Variants in SCAPER observed in about 807,000 individuals in gnomAD.
SCAPER encodes S-phase cyclin A associated protein in the ER, also known as S phase cyclin A-associated protein in the endoplasmic reticulum.
A neutral mutation model predicts 182.2 loss-of-function variants in SCAPER; 98 were observed. The observed-to-expected ratio is 0.54, with a 90% CI of 0.46 to 0.64. SCAPER has a LOEUF of 0.64. Among genes scored for constraint, SCAPER ranks in the 30% least tolerant of loss-of-function variants. The pLI is 0.00. For missense variants in SCAPER, 1,432 were observed against 1,690.0 expected, an observed-to-expected ratio of 0.85 and a Z score of 2.68; for synonymous variants, 605 against 564.6, an observed-to-expected ratio of 1.07 and a Z score of -1.01.
chr15:76,656,827 T>C (rs2055678621), intron 21 of SCAPER, among the ~76,000 whole-genome samples: 1 of 152,004 alleles, frequency 6.6e-6, no homozygotes, highest in African/African-American at 2.4e-5. Context: ...AAAGCAGAAA[T>C]CAAGAAATTA....
chr15:76,433,255 C>T (rs896948590), intron 26 of SCAPER, among the ~76,000 whole-genome samples: 14 of 152,132 alleles, frequency 9.2e-5, no homozygotes, highest in African/African-American at 3.4e-4. Flanking sequence ...CACCTGTAAT[C>T]CCAGCACTTT....
In SCAPER at chr15:76,354,127, G is replaced by GACTGC; in HGVS notation, c.3864_3868dup (p.Ser1290CysfsTer26). The GACTGC allele has an allele frequency of 6.2e-7, 1 of 1,604,442 alleles. No homozygotes were observed. The highest frequency in any genetic ancestry group is 8.5e-7 in the Non-Finnish European group (1 of 1,176,872). ...CTGCAGCACTGTGGGGTGGCGGCCGGACTGCACGATCACCTGAAATGGAAG... is the reference window on the plus strand; with the variant it reads ...CTGCAGCACTGTGGGGTGGCGGCCGGACTGCACTGCACGATCACCTGAAATGGAAG... On this transcript the variant is annotated frameshift_variant, in exon 30 of 32. Coordinates refer to ENST00000563290, the MANE Select transcript of SCAPER (RefSeq NM_020843.4). LOFTEE classifies it high-confidence loss of function. This position sits in a 1 kb window ranked among gnomAD's most constrained non-coding sequence, Gnocchi z 4.4.
chr15:76,894,108 T>G (rs1202777701), intron 1 of SCAPER, among the ~76,000 whole-genome samples: 1 of 152,094 alleles, frequency 6.6e-6, no homozygotes, highest in Non-Finnish European at 1.5e-5. Flanking sequence ...AAAAATTAGC[T>G]GGGTGCAGTG....
chr15:76,836,822 C>T (rs2068995342), intron 5 of SCAPER, among the ~76,000 whole-genome samples: 3 of 151,306 alleles, frequency 2.0e-5, no homozygotes, highest in African/African-American at 2.4e-5. Flanking sequence ...TGTAGTGAGC[C>T]GAGATCTCAC....
chr15:76,765,548 G>A lies in SCAPER; in HGVS notation c.1495+15C>T, dbSNP rs757879352. 6.2e-7 allele frequency: 1 copy of A among 1,600,866 alleles called. No individual in the cohort carries two copies. Among genetic ancestry groups the A allele is most frequent in the African/African-American group, 1.3e-5 (1 of 74,850 alleles). The stretch of plus-strand genomic sequence containing the variant: ...GAACACTGTACTACACACCCAATAT[G>A]CATATACACAATACCTTCATAATCT... On this transcript the variant is annotated intron_variant, in intron 12 of 31. Transcript: ENST00000563290.
chr15:76,811,820 A>T (rs2066650552), intron 5 of SCAPER, among the ~76,000 whole-genome samples: 1 of 151,682 alleles, frequency 6.6e-6, no homozygotes, highest in East Asian at 1.9e-4. Flanking sequence ...TAAAAAAAAT[A>T]AAATAAAAAA....
chr15:76,855,828 T>G (rs923950863), intron 4 of SCAPER: 2 of 426,100 alleles, frequency 4.7e-6, no homozygotes, highest in Non-Finnish European at 9.6e-6. Context: ...GCTGGGAGTG[T>G]AAATTAGTTC....
At chr15:76,722,718 G>A (rs1462232843) in intron 17 of SCAPER, among the ~76,000 whole-genome samples, 1 of 152,124 alleles carries the variant, frequency 6.6e-6, no homozygotes, top group African/African-American at 2.4e-5. Context: ...TTTGCATAGA[G>A]GTGTTTATAG....
intron 23 of SCAPER, among the ~76,000 whole-genome samples, chr15:76,549,511 A>G (rs1301488620): frequency 2.0e-5 from 3 of 151,942 alleles, no homozygotes; most frequent in South Asian, 2.1e-4. Context: ...AAAACCAAAC[A>G]CTGCATGTTG....
chr15:76,511,841 A>ATGTGTGTGTGTGTG (rs755966745), intron 23 of SCAPER, among the ~76,000 whole-genome samples: 2,414 of 104,474 alleles, frequency 0.023, 53 homozygotes, highest in South Asian at 0.058. Context: ...ATATATATAT[A>ATGTGTGTGTGTGTG]TATGTGTGTG....
At chr15:76,440,239 T>C (rs16968231) in intron 25 of SCAPER, among the ~76,000 whole-genome samples, 10,319 of 152,256 alleles carry the variant, frequency 0.068, 385 homozygotes, top group Middle Eastern at 0.11. Flanking sequence ...TATTCCAAAA[T>C]GAAACCCAAT....
chr15:76,701,426 T>G (rs142949275), intron 20 of SCAPER, among the ~76,000 whole-genome samples: 1 of 152,326 alleles, frequency 6.6e-6, no homozygotes, highest in African/African-American at 2.4e-5. Context: ...TCCTCTTAAG[T>G]GAAATTTATG....
chr15:76,724,015 C>T (rs909012811), intron 17 of SCAPER, among the ~76,000 whole-genome samples: 3 of 152,052 alleles, frequency 2.0e-5, no homozygotes, highest in African/African-American at 7.2e-5. Flanking sequence ...TTCTTCCTAG[C>T]CTTGATGGTC....
At chr15:76,879,154 C>T (rs1474858424) in intron 2 of SCAPER, among the ~76,000 whole-genome samples, 1 of 152,118 alleles carries the variant, frequency 6.6e-6, no homozygotes, top group Non-Finnish European at 1.5e-5. Context: ...CATGCAGTTC[C>T]CCATAAGCAC....
At chr15:76,562,467 T>G (rs2046716814) in intron 23 of SCAPER, among the ~76,000 whole-genome samples, 1 of 152,090 alleles carries the variant, frequency 6.6e-6, no homozygotes, top group Non-Finnish European at 1.5e-5. Flanking sequence ...GCAAAAGATT[T>G]GAACAGGCAT....
Position 76,404,819 on chromosome 15 carries a change from G to T in SCAPER, c.3312-140C>A, listed in dbSNP as rs1006420896. The T allele has an allele frequency of 1.1e-5, 7 of 661,756 alleles. No homozygotes were observed. The African/African-American group carries it at 1.1e-4, about 11-fold the overall frequency. The allele number at this position is 661,756 out of a possible 1,614,324, so 41.0% of individuals were successfully genotyped here. A position where few individuals can be genotyped will look rare whatever the true frequency, so the allele number is the denominator to read the frequency against. ...CACAAGTTTGAGTAAAGCATCTCAA[G>T]TAACAATTTCCTTAGATTTACTCCT... On this transcript the variant is annotated intron_variant, in intron 26 of 31. Coordinates refer to ENST00000563290, the MANE Select transcript of SCAPER (RefSeq NM_020843.4).
At chr15:76,637,482 G>C (rs905270530) in intron 21 of SCAPER, among the ~76,000 whole-genome samples, 5 of 151,802 alleles carry the variant, frequency 3.3e-5, no homozygotes, top group African/African-American at 9.7e-5. Flanking sequence ...CAAGAAGGGA[G>C]GATCAGGAGT....
chr15:76,677,085 C>T (rs879628892), intron 20 of SCAPER, among the ~76,000 whole-genome samples: 2 of 152,032 alleles, frequency 1.3e-5, no homozygotes, highest in African/African-American at 4.8e-5. Flanking sequence ...CAAAGATATA[C>T]CCTGTGAGAC....
intron 27 of SCAPER, among the ~76,000 whole-genome samples, chr15:76,395,738 C>G (rs1430811281): frequency 1.3e-5 from 2 of 151,872 alleles, no homozygotes; most frequent in Admixed American, 1.3e-4. Context: ...CTTATATATT[C>G]TAGTTGTTAA....
Sources: allele counts gnomAD v4.1 joint callset (sites outside exome capture counted in the v4.1 genomes callset), GRCh38; gene constraint gnomAD v4.1.1; non-coding constraint Gnocchi (gnomAD v3.1); transcripts MANE v1.5; gene names NCBI Gene and HGNC (gene_info 2026-07-23, HGNC 2026-07-21).